ULK2: variants seen among roughly 807,000 people sequenced by gnomAD.
The protein encoded by ULK2 is unc-51 like autophagy activating kinase 2.
ULK2 carries 76 observed loss-of-function variants against 127.5 expected under a neutral mutation model. That is an observed-to-expected ratio of 0.60 (90% confidence interval 0.50 to 0.72). The LOEUF (loss-of-function observed/expected upper bound fraction) is 0.72, where lower values mean the gene tolerates loss of function less well. ULK2 is among the 30% of genes least tolerant of loss of function. The pLI is 0.00. For missense variants in ULK2, 1,144 were observed against 1,295.9 expected, an observed-to-expected ratio of 0.88 and a Z score of 1.80; for synonymous variants, 452 against 461.9, an observed-to-expected ratio of 0.98 and a Z score of 0.28.
intron 3 of ULK2, chr17:19,856,246 A>G (rs1817533816): frequency 6.6e-6 from 1 of 152,234 alleles, no homozygotes; most frequent in South Asian, 2.1e-4. Flanking sequence ...TCACAAAAAC[A>G]GAATTATACT....
chr17:19,817,290 T>C (rs2041014115), intron 12 of ULK2, among the ~76,000 whole-genome samples: 1 of 152,144 alleles, frequency 6.6e-6, no homozygotes, highest in East Asian at 1.9e-4. Context: ...ACTTAATGAC[T>C]AAACACAAAA....
chr17:19,799,461 T>A (rs772115261), intron 17 of ULK2, 34 bp downstream of exon 17: 12 of 1,469,462 alleles, frequency 8.2e-6, no homozygotes, highest in Non-Finnish European at 1.1e-5. Context: ...ATAATACAAT[T>A]CAAATTATTA....
At chr17:19,780,188 G>GA (rs1004233564) in intron 25 of ULK2, among the ~76,000 whole-genome samples, 24 of 141,812 alleles carry the variant, frequency 1.7e-4, no homozygotes, top group East Asian at 6.1e-4. Flanking sequence ...AAAAAAAAAA[G>GA]AAAAAAAAAA....
Position 19,775,751 on chromosome 17 carries a change from T to C in ULK2, c.*598A>G, listed in dbSNP as rs2086802067. ...CCAATACACAGTTGTTTTAATAAAT[T>C]AGTGCAATATGAAAGATTTTGGAAG... On this transcript the variant is annotated 3_prime_UTR_variant, in exon 27 of 27. Transcript: ENST00000395544. 1 of 152,666 alleles carries C rather than the reference T, an allele frequency of 6.6e-6. No homozygotes were observed. Among genetic ancestry groups the C allele is most frequent in the Non-Finnish European group, 1.5e-5 (1 of 68,048 alleles). The allele number at this position is 152,666 out of a possible 1,614,324, so 9.5% of individuals were successfully genotyped here.
At chr17:19,865,171 C>T (rs763940854) in intron 2 of ULK2, among the ~76,000 whole-genome samples, 5 of 152,170 alleles carry the variant, frequency 3.3e-5, no homozygotes, top group Non-Finnish European at 7.4e-5. Context: ...TACTTTGAAA[C>T]AAGTTTCTTC....
intron 11 of ULK2, among the ~76,000 whole-genome samples, chr17:19,825,448 T>A (rs931274593): frequency 6.6e-6 from 1 of 152,144 alleles, no homozygotes; most frequent in African/African-American, 2.4e-5. Context: ...AGAGGCTCAC[T>A]CCTATAATCC....
At chr17:19,794,523 G>A (rs2087223244) in intron 20 of ULK2, among the ~76,000 whole-genome samples, 1 of 152,124 alleles carries the variant, frequency 6.6e-6, no homozygotes, top group Non-Finnish European at 1.5e-5. Flanking sequence ...TTTGAAAGAA[G>A]CCAAGGACAA....
At chr17:19,820,413 C>T (rs1385265349) in intron 12 of ULK2, among the ~76,000 whole-genome samples, 1 of 152,090 alleles carries the variant, frequency 6.6e-6, no homozygotes, top group Non-Finnish European at 1.5e-5. Flanking sequence ...ACTGTCAGGC[C>T]TCTGTCTACC....
At chr17:19,808,914 A>C (rs1486084390) in intron 14 of ULK2, among the ~76,000 whole-genome samples, 2 of 152,198 alleles carry the variant, frequency 1.3e-5, no homozygotes, top group Non-Finnish European at 2.9e-5. Context: ...CAGCAATCTC[A>C]CTTCTTGGTA....
intron 9 of ULK2, among the ~76,000 whole-genome samples, chr17:19,841,196 T>C (rs2041744799): frequency 6.6e-6 from 1 of 152,180 alleles, no homozygotes; most frequent in South Asian, 2.1e-4. Flanking sequence ...GGGAATTCAC[T>C]TCCTACTTTA....
rs527515174 is a variant in ULK2 at position 19,859,087 on chromosome 17, C to T, written c.225+5716G>A. Among the ~76,000 whole-genome samples the T allele has an allele frequency of 8.5e-5, 13 of 152,234 alleles. No individual in the cohort carries two copies. In the East Asian group the frequency reaches 2.1e-3, roughly 25 times the overall value. Reference sequence around the variant, plus strand: ...GGAGGATCACTTTAGTCCAGCAGTTCGAGACCAGCCTGGGCAACATAGTGA... The same window carrying T: ...GGAGGATCACTTTAGTCCAGCAGTTTGAGACCAGCCTGGGCAACATAGTGA... On this transcript the variant is annotated intron_variant, in intron 3 of 26. Coordinates refer to ENST00000395544, the MANE Select transcript of ULK2 (RefSeq NM_014683.4).
At chr17:19,831,186 T>C (rs1219010428) in intron 10 of ULK2, among the ~76,000 whole-genome samples, 1 of 152,014 alleles carries the variant, frequency 6.6e-6, no homozygotes, top group Non-Finnish European at 1.5e-5. Flanking sequence ...GAAGGGGATG[T>C]ACCACACTTT....
chr17:19,786,180 A>G, intron 20 of ULK2, 94 bp from the exon 21 acceptor site: 1 of 1,218,518 alleles, frequency 8.2e-7, no homozygotes, highest in Non-Finnish European at 1.1e-6. Flanking sequence ...TTATATCAGG[A>G]GTCTAGTGGT....
At chr17:19,830,621 A>T (rs895957831) in intron 10 of ULK2, among the ~76,000 whole-genome samples, 11 of 2,466 alleles carry the variant, frequency 4.5e-3, no homozygotes, top group Non-Finnish European at 0.027. Context: ...GATTGTTTAA[A>T]AAAAAAAAAA....
chr17:19,854,016 T>C (rs1452790692), intron 3 of ULK2, among the ~76,000 whole-genome samples: 1 of 152,100 alleles, frequency 6.6e-6, no homozygotes, highest in Non-Finnish European at 1.5e-5. Context: ...AAGCCAATTC[T>C]GGCCAGGCAC....
chr17:19,846,639 C>CAAAAA, intron 6 of ULK2, 98 bp downstream of exon 6: 1 of 1,140,176 alleles, frequency 8.8e-7, no homozygotes, highest in Non-Finnish European at 1.2e-6. Flanking sequence ...GACTCCATCT[C>CAAAAA]AAAAAAAAAA....
At chr17:19,861,723 A>C (rs2042246960) in intron 3 of ULK2, among the ~76,000 whole-genome samples, 1 of 152,242 alleles carries the variant, frequency 6.6e-6, no homozygotes, top group Non-Finnish European at 1.5e-5. Flanking sequence ...AGACTAAGAC[A>C]AACTACACAA....
intron 3 of ULK2, among the ~76,000 whole-genome samples, chr17:19,851,326 CAAAAAA>C (rs554643908): frequency 2.7e-4 from 11 of 41,052 alleles, no homozygotes; most frequent in South Asian, 1.1e-3. Context: ...GACTTCCCCT[CAAAAAA>C]AAAAAAAAAA....
intron 10 of ULK2, among the ~76,000 whole-genome samples, chr17:19,837,526 T>G (rs2041628181): frequency 6.6e-6 from 1 of 152,218 alleles, no homozygotes; most frequent in Non-Finnish European, 1.5e-5. Context: ...ACATCGACAC[T>G]TAGATATCCA....
Sources: gnomAD v4.1 joint callset for allele counts (sites outside exome capture counted in the v4.1 genomes callset) on GRCh38, gnomAD v4.1.1 for gene constraint, MANE v1.5 for transcripts, NCBI Gene and HGNC (gene_info 2026-07-23, HGNC 2026-07-21) for gene names.